The following DLG2 variants were observed in gnomAD, a reference collection of about 807,000 sequenced individuals.
The protein encoded by DLG2 is disks large homolog 2.
DLG2 carries 45 observed loss-of-function variants against 132.5 expected under a neutral mutation model. That is an observed-to-expected ratio of 0.34 (90% CI 0.27 to 0.44). DLG2 has a LOEUF of 0.44. Ranked by LOEUF, DLG2 falls within the 20% of genes least tolerant of loss-of-function variation. The pLI, the probability that DLG2 is intolerant of heterozygous loss-of-function variation, is 1.00. For missense variants in DLG2, 1,045 were observed against 1,196.9 expected (o/e 0.87, Z 1.87); for synonymous variants, 424 against 419.6 (o/e 1.01, Z -0.13).
chr11:85,551,541 A>G (rs1445831436), intron 3 of DLG2, among the ~76,000 whole-genome samples: 3 of 152,072 alleles, frequency 2.0e-5, no homozygotes, highest in Admixed American at 6.5e-5. Context: ...CTCCTTTATA[A>G]CTATTAAATT....
chr11:84,286,655 T>C (rs762256971), intron 7 of DLG2, among the ~76,000 whole-genome samples: 2 of 152,324 alleles, frequency 1.3e-5, no homozygotes, highest in East Asian at 1.9e-4. Flanking sequence ...AAGATCTATA[T>C]GGCACACTCA....
intron 2 of DLG2, among the ~76,000 whole-genome samples, chr11:85,610,947 C>T (rs1214206467): frequency 6.6e-6 from 1 of 152,144 alleles, no homozygotes; most frequent in Non-Finnish European, 1.5e-5. Flanking sequence ...AATCAAGGAG[C>T]CCCAGAGGGC....
At chr11:84,786,774 C>T (rs1314312420) in intron 6 of DLG2, among the ~76,000 whole-genome samples, 1 of 152,134 alleles carries the variant, frequency 6.6e-6, no homozygotes, top group Non-Finnish European at 1.5e-5. Context: ...CTCAAAAGAA[C>T]TACCATAGAC....
chr11:83,714,974 C>T (rs1171577278), intron 18 of DLG2, among the ~76,000 whole-genome samples: 1 of 152,166 alleles, frequency 6.6e-6, no homozygotes, highest in South Asian at 2.1e-4. Flanking sequence ...ATGTTTATTG[C>T]AGCACTGTTC....
chr11:85,389,213 C>CT (rs2086597073), intron 3 of DLG2, among the ~76,000 whole-genome samples: 1 of 152,004 alleles, frequency 6.6e-6, no homozygotes, highest in Non-Finnish European at 1.5e-5. Context: ...ACAAAATGCA[C>CT]TAAAAAGTCT....
chr11:84,979,859 A>T (rs1213606125), intron 6 of DLG2, among the ~76,000 whole-genome samples: 2 of 152,088 alleles, frequency 1.3e-5, no homozygotes, highest in East Asian at 3.9e-4. Context: ...AGGCTTTGTT[A>T]TTGGGTGCAC....
At chr11:85,274,511 C>A (rs2077761910) in intron 4 of DLG2, among the ~76,000 whole-genome samples, 1 of 152,132 alleles carries the variant, frequency 6.6e-6, no homozygotes, top group Non-Finnish European at 1.5e-5. Flanking sequence ...ACAAATAAGA[C>A]TAACCATTAC....
intron 6 of DLG2, chr11:84,546,917 A>T (rs183948794): frequency 3.2e-4 from 53 of 165,630 alleles, no homozygotes; most frequent in Non-Finnish European, 5.4e-4. Flanking sequence ...AAGGTGACAA[A>T]TGTATCTCAG....
At chr11:85,510,711 G>C (rs550025690) in intron 3 of DLG2, among the ~76,000 whole-genome samples, 1 of 152,162 alleles carries the variant, frequency 6.6e-6, no homozygotes, top group Non-Finnish European at 1.5e-5. Flanking sequence ...TCATTAAAAA[G>C]TCAGGAAACA....
chr11:84,100,796 C>G (rs1029358185), intron 9 of DLG2, among the ~76,000 whole-genome samples: 1 of 152,064 alleles, frequency 6.6e-6, no homozygotes, highest in Admixed American at 6.6e-5. Flanking sequence ...ATAAGATCAG[C>G]TATAACTTGA....
chr11:84,771,199 T>C lies in DLG2; in HGVS notation c.358-236468A>G, dbSNP rs372439026. Among the ~76,000 whole-genome samples, 5 of 152,204 alleles carry C rather than the reference T, an allele frequency of 3.3e-5. 1 individual carries two copies. The highest frequency in any genetic ancestry group is 9.6e-5 in the African/African-American group (4 of 41,460). On this transcript the variant is annotated intron_variant, in intron 6 of 27. Coordinates refer to ENST00000376104, the MANE Select transcript of DLG2 (RefSeq NM_001142699.3). ...AGGACTTTGAGGAATTGCCACACTG[T>C]CTTCCACAATGGTTGAACTAATTTA...
intron 15 of DLG2, among the ~76,000 whole-genome samples, chr11:83,889,668 A>G (rs1219536710): frequency 6.6e-6 from 1 of 152,162 alleles, no homozygotes; most frequent in Non-Finnish European, 1.5e-5. Context: ...ATGTATGTTT[A>G]TTTCGGCACT....
At chr11:84,116,857 A>G (rs1456582732) in intron 9 of DLG2, among the ~76,000 whole-genome samples, 2 of 152,328 alleles carry the variant, frequency 1.3e-5, no homozygotes, top group East Asian at 3.9e-4. Flanking sequence ...TTGGCTCCCT[A>G]CTGCTTAGGG....
intron 7 of DLG2, among the ~76,000 whole-genome samples, chr11:84,344,343 T>C (rs557032124): frequency 1.8e-4 from 28 of 152,322 alleles, no homozygotes; most frequent in South Asian, 8.3e-4. Context: ...TGAGGGCTTT[T>C]GGAAAGGTTC....
chr11:83,680,065 C>G (rs1019052390), intron 18 of DLG2, among the ~76,000 whole-genome samples: 9 of 152,132 alleles, frequency 5.9e-5, no homozygotes, highest in African/African-American at 2.2e-4. Flanking sequence ...GTTCTTGTCA[C>G]AGCTTATATT....
intron 6 of DLG2, among the ~76,000 whole-genome samples, chr11:84,883,039 G>T (rs568218677): frequency 6.6e-6 from 1 of 152,060 alleles, no homozygotes; most frequent in Non-Finnish European, 1.5e-5. Flanking sequence ...ATTCACAATA[G>T]CAAAGACTTG....
rs911965197 is a variant in DLG2, at chr11:85,372,335, G to T, written c.41-86970C>A. On this transcript the variant is annotated intron_variant, in intron 3 of 27. Coordinates refer to ENST00000376104, the MANE Select transcript of DLG2 (RefSeq NM_001142699.3). ...CATAACTATAGCTACCAATTATCTG[G>T]GTGTGTAACAAGACATCCTTTCCTC... Among the ~76,000 whole-genome samples the T allele has an allele frequency of 8.5e-5, 13 of 152,124 alleles. No homozygotes were observed. In the East Asian group the frequency reaches 9.6e-4, roughly 11 times the overall value.
chr11:84,840,687 T>C (rs945311524), intron 6 of DLG2, among the ~76,000 whole-genome samples: 2 of 152,112 alleles, frequency 1.3e-5, no homozygotes, highest in Non-Finnish European at 2.9e-5. Context: ...TTATGTCCTT[T>C]GTAGGGACAT....
intron 7 of DLG2, among the ~76,000 whole-genome samples, chr11:84,258,895 T>C (rs550742912): frequency 1.2e-4 from 19 of 152,338 alleles, no homozygotes; most frequent in African/African-American, 4.3e-4. Context: ...CTGGGTCCCT[T>C]AATGTCTTGC....
Sources: gnomAD v4.1 joint callset for allele counts (sites outside exome capture counted in the v4.1 genomes callset) on GRCh38, gnomAD v4.1.1 for gene constraint, MANE v1.5 for transcripts, NCBI Gene and HGNC (gene_info 2026-07-23, HGNC 2026-07-21) for gene names.